Variants in LETM1 observed in about 807,000 individuals in gnomAD.
LETM1 encodes leucine zipper and EF-hand containing transmembrane protein 1, also known as mitochondrial proton/calcium exchanger protein.
Under a neutral mutation model 74.5 loss-of-function variants are expected in LETM1, and 50 were observed. The observed-to-expected ratio is 0.67, with a 90% CI of 0.53 to 0.85. The LOEUF (loss-of-function observed/expected upper bound fraction) is 0.85, where lower values mean the gene tolerates loss of function less well. Ranked by LOEUF, LETM1 falls within the 40% of genes least tolerant of loss-of-function variation. LETM1 has a pLI of 0.00. For synonymous variants in LETM1, 446 were observed against 407.1 expected (o/e 1.10, Z -1.15); for missense variants, 824 against 967.8 (o/e 0.85, Z 1.97).
chr4:1,819,394 T>C lies in LETM1; in HGVS notation c.1687A>G (p.Thr563Ala). The change falls in exon 11 of 14, where the codon ACC becomes GCC. Residue 563 changes from threonine to alanine, a missense_variant. Transcript: ENST00000302787. ...AGCTCCAGCTCCTCCTTCTCCTTGG[T>C]GAGTGACTTCTTCTGCTCCTGCAGC... ...SKLQEQKKSL[T>A]KEKEELELLK... 6.2e-7 allele frequency: 1 copy of C among 1,613,938 alleles called. No individual in the cohort carries two copies. Among genetic ancestry groups the C allele is most frequent in the Non-Finnish European group, 8.5e-7 (1 of 1,179,976 alleles).
At chr4:1,820,433 T>C (rs1711737673) in intron 10 of LETM1, among the ~76,000 whole-genome samples, 2 of 152,230 alleles carry the variant, frequency 1.3e-5, no homozygotes, top group African/African-American at 4.8e-5. Flanking sequence ...TTTTCCTTTT[T>C]CCTTTCTGAT....
rs1476443834 is a variant in LETM1 at position 1,814,238 on chromosome 4, G to A, written c.*186C>T. On this transcript the variant is annotated 3_prime_UTR_variant, in exon 14 of 14. Transcript: ENST00000302787. ...AGACACGATTCTGTGGAGGGGTTCC[G>A]GGATTCCAGACAGACTGAATCTCCG... 5.2e-6 allele frequency: 5 copies of A among 963,684 alleles called. No homozygotes were observed. The highest frequency in any genetic ancestry group is 2.3e-5 in the Admixed American group (1 of 44,022). The allele number at this position is 963,684 out of a possible 1,614,324, so 59.7% of individuals were successfully genotyped here.
chr4:1,845,394 T>C (rs1712846308), intron 2 of LETM1, among the ~76,000 whole-genome samples: 2 of 152,146 alleles, frequency 1.3e-5, no homozygotes, highest in Non-Finnish European at 2.9e-5. Context: ...TCACCTGAGG[T>C]CAGGAGTTCG....
intron 7 of LETM1, 87 bp downstream of exon 7, chr4:1,825,477 G>A: frequency 1.3e-6 from 2 of 1,516,070 alleles, no homozygotes; most frequent in Non-Finnish European, 1.8e-6. Context: ...CCGGCCCAGA[G>A]TTTGGGAAGA....
rs759752511 is a variant in LETM1 at position 1,841,587 on chromosome 4, C to A, written c.354G>T (p.Ser118=). Residue 118 remains serine, a synonymous_variant, in exon 3 of 14, where the codon TCG becomes TCT. Coordinates refer to ENST00000302787, the MANE Select transcript of LETM1 (RefSeq NM_012318.3). ...AGGACTTGAGGGACTTCTCTACTACCGAGTCATCGCGAACAGGGCGCGAAG... is the reference window on the plus strand; with the variant it reads ...AGGACTTGAGGGACTTCTCTACTACAGAGTCATCGCGAACAGGGCGCGAAG... ...WHSSRPVRDD[S]VVEKSLKSLK... 4 of 1,614,044 alleles carry A rather than the reference C, an allele frequency of 2.5e-6. No homozygotes were observed. Among genetic ancestry groups the A allele is most frequent in the Non-Finnish European group, 3.4e-6 (4 of 1,180,040 alleles).
intron 8 of LETM1, 62 bp from the exon 9 acceptor site, chr4:1,823,193 C>T: frequency 6.6e-7 from 1 of 1,511,630 alleles, no homozygotes; most frequent in South Asian, 1.3e-5. Context: ...TGCTGCCCCT[C>T]ACCTCTGTCC....
At chr4:1,814,751 TGGGGAA>T in intron 13 of LETM1, among the ~76,000 whole-genome samples, 178 bp from the exon 14 acceptor site, 2 of 152,278 alleles carry the variant, frequency 1.3e-5, no homozygotes, top group East Asian at 3.9e-4. Context: ...CCACAGACCC[TGGGGAA>T]GGGGCTCAGA....
rs374563649 is a variant in LETM1, at chr4:1,844,501, G to A, written c.144-2704C>T. 3.1e-4 allele frequency among the ~76,000 whole-genome samples: 47 copies of A among 152,348 alleles called. 1 individual carries two copies. Among genetic ancestry groups the A allele is most frequent in the Admixed American group, 9.8e-4 (15 of 15,296 alleles). ...AATCCCAGAGCTTTGGGAGGCCAAC[G>A]TGGGTGGATCACTTGAGGCTGGGAG... On this transcript the variant is annotated intron_variant, in intron 2 of 13. Coordinates refer to ENST00000302787, the MANE Select transcript of LETM1 (RefSeq NM_012318.3).
At chr4:1,819,271 T>C in intron 11 of LETM1, 67 bp downstream of exon 11, 1 of 1,489,652 alleles carries the variant, frequency 6.7e-7, no homozygotes, top group Non-Finnish European at 9.1e-7. Flanking sequence ...TATGTATACT[T>C]TTGGGGCCAG....
At position 1,836,629 on chromosome 4, in the gene LETM1, G is replaced by A. The variant is rs575028609; in HGVS notation, c.595-57C>T. ...AGAGCACATGTGGGAACAAGGGCAA[G>A]GGGTGTGAGCATTTCTCCTATAATG... On this transcript the variant is annotated intron_variant, in intron 3 of 13. Transcript: ENST00000302787. The surrounding 1 kb of genome is among the most constrained non-coding windows in gnomAD (Gnocchi z 5.8). 1.8e-5 allele frequency: 28 copies of A among 1,588,016 alleles called. No homozygotes were observed. The African/African-American group carries it at 3.2e-4, about 18-fold the overall frequency.
chr4:1,827,126 G>GT (rs1462199753), intron 6 of LETM1, among the ~76,000 whole-genome samples: 1 of 152,180 alleles, frequency 6.6e-6, no homozygotes, highest in Non-Finnish European at 1.5e-5. Context: ...TTCTCTTACT[G>GT]TTTCCTTTCT....
At chr4:1,855,842 C>A (rs112317504) in intron 1 of LETM1, 27 bp downstream of exon 1, 10 of 1,207,082 alleles carry the variant, frequency 8.3e-6, no homozygotes, top group Non-Finnish European at 1.0e-5. Context: ...CGGGAGCCGG[C>A]CCCGCCCTGG....
rs62286991 is a variant in LETM1, at chr4:1,855,103, C to G, written c.82+766G>C. On this transcript the variant is annotated intron_variant, in intron 1 of 13. Transcript: ENST00000302787. ...TTGGGAGGCTGAGGCAGAAGGATAG[C>G]TTGAGCCCAGGAGTTTGAGGTGCAG... Among the ~76,000 whole-genome samples, 876 of 152,302 alleles carry G rather than the reference C, an allele frequency of 5.8e-3. 2 individuals are homozygous for G. Among genetic ancestry groups the G allele is most frequent in the Non-Finnish European group, 0.01 (695 of 68,026 alleles).
intron 6 of LETM1, among the ~76,000 whole-genome samples, chr4:1,826,702 C>T (rs1354047268): frequency 1.3e-5 from 2 of 152,264 alleles, no homozygotes; most frequent in Non-Finnish European, 2.9e-5. Context: ...TTAGCCGAAC[C>T]CTTCGCCCAC....
chr4:1,841,237 C>CATTAAAAA, intron 3 of LETM1, 110 bp downstream of exon 3: 4 of 952,834 alleles, frequency 4.2e-6, no homozygotes, highest in Admixed American at 5.1e-5. Flanking sequence ...CCCAGATACT[C>CATTAAAAA]GGGAGGCTGA....
At chr4:1,816,706 C>A (rs373302666) in intron 12 of LETM1, 21 bp downstream of exon 12, 1 of 1,608,310 alleles carries the variant, frequency 6.2e-7, no homozygotes, top group Admixed American at 1.7e-5. Context: ...ATCCCTCTCC[C>A]GCGCCCACCA....
intron 4 of LETM1, 69 bp from the exon 5 acceptor site, chr4:1,835,051 C>A: frequency 6.7e-7 from 1 of 1,489,078 alleles, no homozygotes; most frequent in Non-Finnish European, 9.2e-7. Flanking sequence ...AAACATCTCA[C>A]GCCTGTGCCC....
intron 6 of LETM1, among the ~76,000 whole-genome samples, chr4:1,827,472 T>C (rs921024279): frequency 8.9e-6 from 1 of 112,052 alleles, no homozygotes; most frequent in Non-Finnish European, 1.8e-5. Context: ...TACTTGAGAT[T>C]AGGGATTGGT....
intron 3 of LETM1, among the ~76,000 whole-genome samples, chr4:1,838,385 A>G (rs1480696502): frequency 6.6e-6 from 1 of 151,644 alleles, no homozygotes; most frequent in Non-Finnish European, 1.5e-5. Flanking sequence ...GGTGTGAGCC[A>G]CTGCGCCCGG....
Sources: allele counts gnomAD v4.1 joint callset (sites outside exome capture counted in the v4.1 genomes callset), GRCh38; gene constraint gnomAD v4.1.1; non-coding constraint Gnocchi (gnomAD v3.1); transcripts MANE v1.5; gene names NCBI Gene and HGNC (gene_info 2026-07-23, HGNC 2026-07-21).